The following INTS6 variants were observed in gnomAD, a reference collection of about 807,000 sequenced individuals.
The protein encoded by INTS6 is integrator complex subunit 6.
INTS6 carries 16 observed loss-of-function variants against 104.9 expected under a neutral mutation model. That is an observed-to-expected ratio of 0.15 (90% confidence interval 0.10 to 0.23). The LOEUF is 0.23. Among genes scored for constraint, INTS6 ranks in the 10% least tolerant of loss-of-function variants. The pLI, the probability that INTS6 is intolerant of heterozygous loss-of-function variation, is 1.00. For missense variants in INTS6, 584 were observed against 1,062.8 expected (o/e 0.55, Z 6.26); for synonymous variants, 324 against 358.7 (o/e 0.90, Z 1.09).
intron 4 of INTS6, among the ~76,000 whole-genome samples, chr13:51,399,723 C>CGTGTGT (rs1255845541): frequency 1.7e-5 from 2 of 117,212 alleles, no homozygotes; most frequent in Admixed American, 8.3e-5. Context: ...TGTGTGTGTG[C>CGTGTGT]GTGTGTGTGC....
chr13:51,452,188 T>G lies in INTS6; in HGVS notation c.112-133A>C. On this transcript the variant is annotated intron_variant, in intron 1 of 17. Transcript: ENST00000311234. The surrounding 1 kb of genome is among the most constrained non-coding windows in gnomAD (Gnocchi z 4.2). ...ACGCAGCGGCCACCCCTCCACGCCGTCCCCCACACACAGATCGCTCCCCAC... is the reference window on the plus strand; with the variant it reads ...ACGCAGCGGCCACCCCTCCACGCCGGCCCCCACACACAGATCGCTCCCCAC... 1 of 876,814 alleles carries G rather than the reference T, an allele frequency of 1.1e-6. No homozygotes were observed. Among genetic ancestry groups the G allele is most frequent in the Non-Finnish European group, 1.7e-6 (1 of 574,464 alleles). 54.3% of individuals were successfully genotyped at this position (876,814 alleles called of 1,614,324 possible). A position where few individuals can be genotyped will look rare whatever the true frequency, so the allele number is the denominator to read the frequency against.
At chr13:51,430,745 A>T (rs989806563) in intron 3 of INTS6, among the ~76,000 whole-genome samples, 4 of 152,234 alleles carry the variant, frequency 2.6e-5, no homozygotes, top group Non-Finnish European at 5.9e-5. Flanking sequence ...ACAAGTTACA[A>T]TAAAAAAAGA....
At chr13:51,430,109 G>A in intron 4 of INTS6, 185 bp downstream of exon 4, 1 of 504,134 alleles carries the variant, frequency 2.0e-6, no homozygotes, top group South Asian at 3.4e-5. Flanking sequence ...ATTTCTCACA[G>A]AAGAGATTCT....
chr13:51,346,128 G>A, the INTS6 span, among the ~76,000 whole-genome samples: 1 of 152,186 alleles, frequency 6.6e-6, no homozygotes. Context: ...ACTTAGAACA[G>A]AGCCTATCAC....
the INTS6 span, among the ~76,000 whole-genome samples, chr13:51,340,578 T>C: frequency 1.1e-4 from 16 of 152,192 alleles, no homozygotes; most frequent in African/African-American, 3.6e-4. Flanking sequence ...TCTTTATAGA[T>C]GAAATATAAT....
Position 51,452,145 on chromosome 13 carries a change from G to A in INTS6, c.112-90C>T, listed in dbSNP as rs1305994759. On this transcript the variant is annotated intron_variant, in intron 1 of 17. Coordinates refer to ENST00000311234, the MANE Select transcript of INTS6 (RefSeq NM_012141.3). The surrounding 1 kb of genome is among the most constrained non-coding windows in gnomAD (Gnocchi z 4.2). Reference sequence around the variant, plus strand: ...AGAAGGGGCGCCCAGCGGCCCCGCCGCCCCCACAGTACCGCACACGCAGCG... The same window carrying A: ...AGAAGGGGCGCCCAGCGGCCCCGCCACCCCCACAGTACCGCACACGCAGCG... The A allele has an allele frequency of 6.5e-6, 8 of 1,229,238 alleles. No individual in the cohort carries two copies. The Admixed American group carries it at 7.5e-5, about 11-fold the overall frequency. The allele number at this position is 1,229,238 out of a possible 1,614,324, so 76.1% of individuals were successfully genotyped here.
intron 3 of INTS6, among the ~76,000 whole-genome samples, chr13:51,432,192 T>C (rs750698794): frequency 1.3e-5 from 2 of 152,310 alleles, no homozygotes; most frequent in South Asian, 2.1e-4. Flanking sequence ...CATATTCTAA[T>C]AGTGGTAGTT....
At chr13:51,403,581 CAAAA>C (rs1290796257) in intron 4 of INTS6, among the ~76,000 whole-genome samples, 3 of 20,310 alleles carry the variant, frequency 1.5e-4, no homozygotes, top group Admixed American at 1.5e-3. Flanking sequence ...GACTCCATTT[CAAAA>C]AAAAAAAAGA....
At chr13:51,374,109 C>A in intron 15 of INTS6, 99 bp downstream of exon 15, 1 of 889,774 alleles carries the variant, frequency 1.1e-6, no homozygotes. Flanking sequence ...ACTCATTGTA[C>A]TACTAATCAA....
intron 3 of INTS6, among the ~76,000 whole-genome samples, chr13:51,433,412 C>T (rs1957133670): frequency 6.6e-6 from 1 of 152,214 alleles, no homozygotes; most frequent in South Asian, 2.1e-4. Context: ...CGTGCCACTG[C>T]ACTCCAGCCT....
intron 17 of INTS6, among the ~76,000 whole-genome samples, chr13:51,366,532 C>T (rs1347431094): frequency 6.6e-6 from 1 of 151,994 alleles, no homozygotes; most frequent in Admixed American, 6.6e-5. Context: ...TACTTCCTTG[C>T]TACTTAGAAG....
intron 5 of INTS6, among the ~76,000 whole-genome samples, chr13:51,394,018 C>A (rs924257484): frequency 6.6e-6 from 1 of 150,720 alleles, no homozygotes. Context: ...TAAGTAAAAT[C>A]CCCAGAGTTT....
At position 51,389,460 on chromosome 13, in the gene INTS6, A is replaced by AG. The variant is rs1566218336; in HGVS notation, c.614-17dup. ...TATGAACGGCCTGAGATTAAAAAAA[A>AG]GAAGAAGAAGAAGAAGAAGAATATA... On this transcript the variant is annotated splice_polypyrimidine_tract_variant and intron_variant, in intron 5 of 17. Transcript: ENST00000311234. The AG allele has an allele frequency of 1.4e-6, 2 of 1,417,838 alleles. No individual in the cohort carries two copies. The highest frequency in any genetic ancestry group is 1.9e-6 in the Non-Finnish European group (2 of 1,059,978). 87.8% of individuals were successfully genotyped at this position (1,417,838 alleles called of 1,614,324 possible). A position where few individuals can be genotyped will look rare whatever the true frequency, so the allele number is the denominator to read the frequency against.
chr13:51,436,787 T>G (rs1451919942), intron 3 of INTS6: 2 of 152,232 alleles, frequency 1.3e-5, no homozygotes, highest in African/African-American at 2.4e-5. Context: ...TTGAGTTTTA[T>G]ACTTGAACTG....
At chr13:51,371,474 A>G (rs1367886382) in intron 15 of INTS6, among the ~76,000 whole-genome samples, 1 of 152,052 alleles carries the variant, frequency 6.6e-6, no homozygotes, top group Non-Finnish European at 1.5e-5. Flanking sequence ...TAAAAGTGAT[A>G]TATCACTTTT....
intron 4 of INTS6, among the ~76,000 whole-genome samples, chr13:51,428,702 T>C (rs1462552354): frequency 1.3e-5 from 2 of 152,178 alleles, no homozygotes; most frequent in African/African-American, 2.4e-5. Flanking sequence ...CAATTGGCTG[T>C]ACATGTCAAC....
At chr13:51,381,599 C>T (rs9316537) in intron 10 of INTS6, among the ~76,000 whole-genome samples, 14,413 of 152,034 alleles carry the variant, frequency 0.095, 1,031 homozygotes, top group African/African-American at 0.2. Flanking sequence ...TAGTGGTCAT[C>T]TGTATGCTCA....
chr13:51,376,888 T>G (rs1319034978), intron 12 of INTS6, among the ~76,000 whole-genome samples: 2 of 152,164 alleles, frequency 1.3e-5, no homozygotes, highest in African/African-American at 4.8e-5. Flanking sequence ...CTGTTACAAG[T>G]TTTTGGCTAT....
the INTS6 span, among the ~76,000 whole-genome samples, chr13:51,345,229 G>A: frequency 6.6e-6 from 1 of 152,130 alleles, no homozygotes; most frequent in East Asian, 1.9e-4. Flanking sequence ...CTCCTGCCCA[G>A]GGTCCACAGG....
Sources: gnomAD v4.1 joint callset for allele counts (sites outside exome capture counted in the v4.1 genomes callset) on GRCh38, gnomAD v4.1.1 for gene constraint, Gnocchi (gnomAD v3.1) non-coding constraint, MANE v1.5 for transcripts, NCBI Gene and HGNC (gene_info 2026-07-23, HGNC 2026-07-21) for gene names.